CAMSAP2: variants seen among roughly 807,000 people sequenced by gnomAD.
The protein encoded by CAMSAP2 is calmodulin regulated spectrin associated protein family member 2.
A neutral mutation model predicts 146.1 loss-of-function variants in CAMSAP2; 26 were observed. The ratio of observed to expected loss-of-function variants is 0.18; its 90% CI spans 0.13 to 0.25. The LOEUF (loss-of-function observed/expected upper bound fraction) is 0.25, where lower values mean the gene tolerates loss of function less well. Ranked by LOEUF, CAMSAP2 falls within the 10% of genes least tolerant of loss-of-function variation. The probability of loss-of-function intolerance (pLI) is 1.00; values close to 1 mark genes in which losing one functional copy is unlikely to be tolerated. For synonymous variants in CAMSAP2, 499 were observed against 596.6 expected, an observed-to-expected ratio of 0.84 and a Z score of 2.38; for missense variants, 1,381 against 1,759.3, an observed-to-expected ratio of 0.78 and a Z score of 3.85.
At chr1:200,816,888 G>A (rs796480191) in intron 4 of CAMSAP2, among the ~76,000 whole-genome samples, 4 of 50,738 alleles carry the variant, frequency 7.9e-5, no homozygotes, top group South Asian at 8.2e-4. Context: ...ACACGCGTGT[G>A]TATGTGTGTA....
chr1:200,801,091 C>T (rs1571769376), intron 2 of CAMSAP2, among the ~76,000 whole-genome samples: 3 of 152,064 alleles, frequency 2.0e-5, no homozygotes, highest in Non-Finnish European at 2.9e-5. Flanking sequence ...TTGTGAAACC[C>T]CTTCTCTACT....
intron 7 of CAMSAP2, 25 bp downstream of exon 7, chr1:200,842,112 T>C (rs1553292683): frequency 1.9e-6 from 3 of 1,549,186 alleles, no homozygotes; most frequent in South Asian, 2.2e-5. Context: ...TAATTTTAAA[T>C]GTTCCTATGA....
Position 200,847,242 on chromosome 1 carries a change from A to G in CAMSAP2, c.1142A>G (p.His381Arg). Residue 381 changes from histidine (H) to arginine (R), a missense_variant, in exon 9 of 17, where the codon CAT becomes CGT. Physicochemically the swap from His to Arg is conservative, Grantham distance 29. Coordinates refer to ENST00000358823, the MANE Select transcript of CAMSAP2 (RefSeq NM_203459.4). ...GGAGCTACATTTACACAGTCTCATC[A>G]TCATTTGCCTTCTAGGTATTCACGT... ...GEGATFTQSH[H>R]HLPSRYSRPQ... 6.2e-7 allele frequency: 1 copy of G among 1,612,444 alleles called. No homozygotes were observed. Among genetic ancestry groups the G allele is most frequent in the Non-Finnish European group, 8.5e-7 (1 of 1,179,216 alleles).
At chr1:200,768,403 C>T (rs1400260518) in intron 2 of CAMSAP2, among the ~76,000 whole-genome samples, 1 of 152,106 alleles carries the variant, frequency 6.6e-6, no homozygotes, top group Non-Finnish European at 1.5e-5. Flanking sequence ...AACGAGATCA[C>T]AGAGTTAGAT....
At chr1:200,778,089 A>G (rs1665330763) in intron 2 of CAMSAP2, among the ~76,000 whole-genome samples, 1 of 152,218 alleles carries the variant, frequency 6.6e-6, no homozygotes, top group Non-Finnish European at 1.5e-5. Flanking sequence ...TTTTTACAGA[A>G]TCAAAAAACA....
chr1:200,819,885 A>G (rs1666702509), intron 4 of CAMSAP2, among the ~76,000 whole-genome samples: 1 of 152,180 alleles, frequency 6.6e-6, no homozygotes, highest in Non-Finnish European at 1.5e-5. Context: ...AGTAGATTTC[A>G]TGATACTAGG....
At chr1:200,744,002 C>A (rs1664250691) in intron 1 of CAMSAP2, among the ~76,000 whole-genome samples, 1 of 152,096 alleles carries the variant, frequency 6.6e-6, no homozygotes. Context: ...ACTTATTGAG[C>A]TCCTACACTG....
chr1:200,851,216 T>C (rs919268968), intron 11 of CAMSAP2, among the ~76,000 whole-genome samples: 1 of 152,200 alleles, frequency 6.6e-6, no homozygotes, highest in African/African-American at 2.4e-5. Context: ...TATTTATTTT[T>C]TGAGACAGAG....
chr1:200,852,733 A>C, intron 12 of CAMSAP2, 56 bp downstream of exon 12: 1 of 1,541,276 alleles, frequency 6.5e-7, no homozygotes, highest in Non-Finnish European at 8.7e-7. Context: ...GCATGGGCAT[A>C]TTTAGAAAAA....
intron 2 of CAMSAP2, 48 bp downstream of exon 2, chr1:200,761,146 T>G: frequency 6.5e-7 from 1 of 1,544,260 alleles, no homozygotes; most frequent in South Asian, 1.1e-5. Flanking sequence ...AGTGTGTACT[T>G]TTGAGTGTGA....
chr1:200,841,153 A>G (rs1571820144), intron 6 of CAMSAP2, among the ~76,000 whole-genome samples: 1 of 152,234 alleles, frequency 6.6e-6, no homozygotes, highest in Non-Finnish European at 1.5e-5. Context: ...TGTTTTGTAC[A>G]TTTCAAAATT....
chr1:200,778,449 A>G (rs1665342164), intron 2 of CAMSAP2, among the ~76,000 whole-genome samples: 2 of 152,266 alleles, frequency 1.3e-5, no homozygotes, highest in African/African-American at 2.4e-5. Context: ...AAGTGATTAG[A>G]TGGTTTGTTT....
intron 4 of CAMSAP2, among the ~76,000 whole-genome samples, chr1:200,820,796 C>T (rs1666738304): frequency 6.6e-6 from 1 of 152,182 alleles, no homozygotes; most frequent in Non-Finnish European, 1.5e-5. Context: ...AAGTCCCAGT[C>T]AAAGAGACTG....
intron 1 of CAMSAP2, among the ~76,000 whole-genome samples, chr1:200,758,603 C>T (rs952436444): frequency 1.3e-4 from 20 of 152,230 alleles, no homozygotes; most frequent in Admixed American, 6.5e-5. Flanking sequence ...TACATCCACT[C>T]TTGACCTCTT....
At chr1:200,839,618 T>C (rs183360514) in intron 6 of CAMSAP2, among the ~76,000 whole-genome samples, 1 of 152,230 alleles carries the variant, frequency 6.6e-6, no homozygotes, top group Non-Finnish European at 1.5e-5. Flanking sequence ...CCAAACATCA[T>C]ATGTTCTCAC....
intron 1 of CAMSAP2, among the ~76,000 whole-genome samples, chr1:200,749,294 C>T (rs7529518): frequency 0.16 from 24,052 of 152,120 alleles, 2,505 homozygotes; most frequent in East Asian, 0.35. Context: ...GACAAGGAAG[C>T]CTGCCACAGC....
chr1:200,749,340 A>G (rs977141463), intron 1 of CAMSAP2, among the ~76,000 whole-genome samples: 18 of 152,234 alleles, frequency 1.2e-4, no homozygotes, highest in Non-Finnish European at 2.5e-4. Flanking sequence ...AGCCATGGGC[A>G]TTGTGTTCCT....
At chr1:200,826,577 A>G (rs1666912418) in intron 4 of CAMSAP2, among the ~76,000 whole-genome samples, 1 of 152,236 alleles carries the variant, frequency 6.6e-6, no homozygotes, top group Non-Finnish European at 1.5e-5. Flanking sequence ...ACGGCCTGAG[A>G]GCACCTAGAA....
chr1:200,845,231 T>A (rs1667428672), intron 8 of CAMSAP2, among the ~76,000 whole-genome samples: 2 of 145,716 alleles, frequency 1.4e-5, no homozygotes, highest in African/African-American at 5.1e-5. Context: ...TTTATTATTT[T>A]AAAAATCTTT....
Sources: allele counts gnomAD v4.1 joint callset (sites outside exome capture counted in the v4.1 genomes callset), GRCh38; gene constraint gnomAD v4.1.1; transcripts MANE v1.5; gene names NCBI Gene and HGNC (gene_info 2026-07-23, HGNC 2026-07-21).